Variants in CCDC146 observed in about 807,000 individuals in gnomAD.
The protein encoded by CCDC146 is coiled-coil domain-containing protein 146.
Under a neutral mutation model 119.3 loss-of-function variants are expected in CCDC146, and 92 were observed. That is an observed-to-expected ratio of 0.77 (90% CI 0.65 to 0.92). The LOEUF (loss-of-function observed/expected upper bound fraction) is 0.92. Ranked by LOEUF, CCDC146 falls within the 40% of genes least tolerant of loss-of-function variation. The pLI is 0.00. For missense variants in CCDC146, 1,000 were observed against 1,103.0 expected (o/e 0.91, Z 1.32); for synonymous variants, 372 against 371.8 (o/e 1.00, Z -0.01).
At chr7:77,239,704 A>G (rs1440761186) in intron 3 of CCDC146, among the ~76,000 whole-genome samples, 1 of 152,192 alleles carries the variant, frequency 6.6e-6, no homozygotes, top group Non-Finnish European at 1.5e-5. Flanking sequence ...CAAATAGGAG[A>G]GGTAGCTAAT....
At chr7:77,160,442 C>T (rs1037480839) in intron 1 of CCDC146, among the ~76,000 whole-genome samples, 12 of 152,196 alleles carry the variant, frequency 7.9e-5, no homozygotes, top group Admixed American at 2.0e-4. Context: ...TCTTTTATTT[C>T]CTTGAGCAGT....
intron 2 of CCDC146, among the ~76,000 whole-genome samples, chr7:77,217,827 T>C (rs906026344): frequency 1.6e-4 from 24 of 152,162 alleles, no homozygotes; most frequent in African/African-American, 5.8e-4. Flanking sequence ...ATGGCAAGTA[T>C]TTAAGTATCT....
chr7:77,267,262 G>A (rs1793423415), intron 9 of CCDC146, among the ~76,000 whole-genome samples: 1 of 152,046 alleles, frequency 6.6e-6, no homozygotes, highest in Non-Finnish European at 1.5e-5. Context: ...CAAAGTGCTG[G>A]GATTACAGGT....
intron 15 of CCDC146, among the ~76,000 whole-genome samples, chr7:77,283,373 C>T (rs1201971372): frequency 6.6e-6 from 1 of 152,122 alleles, no homozygotes; most frequent in Non-Finnish European, 1.5e-5. Flanking sequence ...TATAAAGTTA[C>T]TTTCTTCACA....
At chr7:77,269,709 G>A (rs1793473438) in intron 9 of CCDC146, among the ~76,000 whole-genome samples, 1 of 152,190 alleles carries the variant, frequency 6.6e-6, no homozygotes, top group Non-Finnish European at 1.5e-5. Flanking sequence ...ATAAAACTAA[G>A]CACCCATAGA....
chr7:77,177,661 A>G (rs1377021905), intron 2 of CCDC146, among the ~76,000 whole-genome samples: 1 of 152,184 alleles, frequency 6.6e-6, no homozygotes, highest in Non-Finnish European at 1.5e-5. Flanking sequence ...AAATATTTCT[A>G]GTATGTTTCC....
At position 77,274,467 on chromosome 7, in the gene CCDC146, GT is replaced by G. The variant is rs3834862; in HGVS notation, c.1270-7del. The G allele has an allele frequency of 0.068, 98,809 of 1,454,418 alleles. 7,676 individuals carry two copies. Among genetic ancestry groups the G allele is most frequent in the East Asian group, 0.43 (17,415 of 40,794 alleles). The allele number at this position is 1,454,418 out of a possible 1,614,324, so 90.1% of individuals were successfully genotyped here. A position where few individuals can be genotyped will look rare whatever the true frequency, so the allele number is the denominator to read the frequency against. On this transcript the variant is annotated splice_polypyrimidine_tract_variant and intron_variant, in intron 10 of 18. Transcript: ENST00000285871. ...ACAAATAACTTATAATATTATCTGT[GT>G]TTTTTTTCAAAAGAAAATTATATCA...
intron 5 of CCDC146, 77 bp from the exon 6 acceptor site, chr7:77,256,256 T>C: frequency 1.0e-6 from 1 of 997,384 alleles, no homozygotes; most frequent in Admixed American, 3.0e-5. Context: ...GTGGGTGAAA[T>C]TAGTTTTAGT....
chr7:77,285,678 T>C (rs1344843045), intron 15 of CCDC146, among the ~76,000 whole-genome samples: 1 of 152,216 alleles, frequency 6.6e-6, no homozygotes. Context: ...TAATGCTTGT[T>C]GGTTGTCACC....
chr7:77,146,778 C>T (rs925163780), intron 1 of CCDC146, among the ~76,000 whole-genome samples: 23 of 152,164 alleles, frequency 1.5e-4, no homozygotes, highest in Non-Finnish European at 1.5e-5. Flanking sequence ...CCAAGAGATC[C>T]ACTGTTAGTC....
Position 77,282,619 on chromosome 7 carries a change from A to G in CCDC146, c.1982A>G (p.Gln661Arg), listed in dbSNP as rs1562861707. 3 of 1,613,328 alleles carry G rather than the reference A, an allele frequency of 1.9e-6. No homozygotes were observed. The highest frequency in any genetic ancestry group is 2.5e-6 in the Non-Finnish European group (3 of 1,179,416). ...ATTTTTTATGAAAAAATAAATATCC[A>G]AGAGAAGATGAAACTAAATGGAGAA... Reference protein sequence around the residue: ...ICIFYEKINIQEKMKLNGEIE... With the variant: ...ICIFYEKINIREKMKLNGEIE... Residue 661 changes from glutamine to arginine, a missense_variant, in exon 15 of 19, where the codon CAA becomes CGA. Around this residue, in one of 2 missense-constraint regions of CCDC146, gnomAD observed 985 missense variants for 1,045.3 expected, o/e 0.94. Transcript: ENST00000285871.
At chr7:77,141,832 A>G (rs533538986) in intron 1 of CCDC146, among the ~76,000 whole-genome samples, 2 of 152,274 alleles carry the variant, frequency 1.3e-5, no homozygotes, top group South Asian at 4.1e-4. Flanking sequence ...TCAGATAGAT[A>G]GATTGCGGAA....
At position 77,282,478 on chromosome 7, in the gene CCDC146, A is replaced by G; in HGVS notation, c.1920-79A>G. ...CTATGTTGTGTATATCTTGCATCCA[A>G]AGCCAGAGGGAACCACAATGACTAG... is the stretch of plus-strand genomic sequence containing the variant. On this transcript the variant is annotated intron_variant, in intron 14 of 18. Transcript: ENST00000285871. 4.3e-6 allele frequency: 4 copies of G among 926,818 alleles called. No individual in the cohort carries two copies. The East Asian group carries it at 1.0e-4, about 24-fold the overall frequency. 57.4% of individuals were successfully genotyped at this position (926,818 alleles called of 1,614,324 possible). A position where few individuals can be genotyped will look rare whatever the true frequency, so the allele number is the denominator to read the frequency against.
intron 2 of CCDC146, among the ~76,000 whole-genome samples, chr7:77,213,532 A>G (rs536314030): frequency 1.2e-4 from 18 of 152,290 alleles, no homozygotes; most frequent in African/African-American, 3.9e-4. Context: ...CTACACAGGT[A>G]TACTGCATAA....
intron 1 of CCDC146, among the ~76,000 whole-genome samples, chr7:77,129,351 A>C (rs1777951718): frequency 6.6e-6 from 1 of 152,006 alleles, no homozygotes; most frequent in Admixed American, 6.5e-5. Flanking sequence ...AATGGCTCCA[A>C]AGCACAAGAG....
At chr7:77,166,038 C>G (rs935677929) in intron 1 of CCDC146, among the ~76,000 whole-genome samples, 1 of 152,036 alleles carries the variant, frequency 6.6e-6, no homozygotes, top group Non-Finnish European at 1.5e-5. Context: ...CAAGAAAGAC[C>G]ATTTTAAATT....
intron 1 of CCDC146, among the ~76,000 whole-genome samples, chr7:77,131,036 C>A (rs1368320210): frequency 6.6e-6 from 1 of 151,910 alleles, no homozygotes; most frequent in African/African-American, 2.4e-5. Flanking sequence ...GGAATACTGG[C>A]GCATGCCACC....
At chr7:77,182,795 A>G (rs940092909) in intron 2 of CCDC146, among the ~76,000 whole-genome samples, 4 of 152,022 alleles carry the variant, frequency 2.6e-5, no homozygotes, top group Non-Finnish European at 2.9e-5. Flanking sequence ...CCCTGTCTCA[A>G]AGAAGAAAAA....
At chr7:77,247,717 T>C (rs1404923396) in intron 4 of CCDC146, among the ~76,000 whole-genome samples, 1 of 152,052 alleles carries the variant, frequency 6.6e-6, no homozygotes, top group Non-Finnish European at 1.5e-5. Flanking sequence ...ATCAGAGAAA[T>C]GCAAATTAAA....
Sources: gnomAD v4.1 joint callset for allele counts (sites outside exome capture counted in the v4.1 genomes callset) on GRCh38, gnomAD v4.1.1 for gene constraint, gnomAD v4.1.1 regional missense constraint, MANE v1.5 for transcripts, NCBI Gene and HGNC (gene_info 2026-07-23, HGNC 2026-07-21) for gene names.